SERTAD1: variants seen among roughly 807,000 people sequenced by gnomAD.
SERTAD1 encodes the protein SERTA domain containing 1.
SERTAD1 carries 5 observed loss-of-function variants against 11.7 expected under a neutral mutation model. The observed-to-expected ratio is 0.43, with a 90% CI of 0.22 to 0.90. The LOEUF is 0.90. Ranked by LOEUF, SERTAD1 falls within the 40% of genes least tolerant of loss-of-function variation. The pLI, the probability that SERTAD1 is intolerant of heterozygous loss-of-function variation, is 0.27. For synonymous variants in SERTAD1, 139 were observed against 141.4 expected (o/e 0.98, Z 0.12); for missense variants, 287 against 313.9 (o/e 0.91, Z 0.65).
intron 1 of SERTAD1, 128 bp from the exon 2 acceptor site, chr19:40,423,674 T>C: frequency 1.7e-6 from 1 of 595,254 alleles, no homozygotes; most frequent in South Asian, 2.2e-5. Context: ...TGTGCCTAGC[T>C]TTTCTTAGGG....
Position 40,422,612 on chromosome 19 carries a change from C to T in SERTAD1, c.*224G>A. On this transcript the variant is annotated 3_prime_UTR_variant, in exon 2 of 2. Transcript: ENST00000357949. Reference sequence around the variant, plus strand: ...CCCCAGGGCCAGGGAATTCAGTCCCCACCAGACCCTGTCATTCCATCACTA... The same window carrying T: ...CCCCAGGGCCAGGGAATTCAGTCCCTACCAGACCCTGTCATTCCATCACTA... 1.8e-6 allele frequency: 1 copy of T among 558,826 alleles called. No homozygotes were observed. The highest frequency in any genetic ancestry group is 3.1e-6 in the Non-Finnish European group (1 of 319,818). The allele number at this position is 558,826 out of a possible 1,614,324, so 34.6% of individuals were successfully genotyped here.
rs773784248 is a variant in SERTAD1 at position 40,423,438 on chromosome 19, G to T, written c.109C>A (p.Pro37Thr). The T allele has an allele frequency of 1.2e-6, 2 of 1,613,252 alleles. No homozygotes were observed. The highest frequency in any genetic ancestry group is 1.7e-6 in the Non-Finnish European group (2 of 1,180,044). The change falls in exon 2 of 2, where the codon CCC (proline) becomes ACC (threonine). Residue 37 changes from proline to threonine, a missense_variant. Pro to Thr is a conservative substitution (Grantham distance 38). Transcript: ENST00000357949. ...AGGGAGCTAGAGGCCACGGCCGGGGGTGCCTGTGCCACCGCTGTGTGGCCA... is the reference window on the plus strand; with the variant it reads ...AGGGAGCTAGAGGCCACGGCCGGGGTTGCCTGTGCCACCGCTGTGTGGCCA... ...DPGHTAVAQA[P>T]PAVASSSLFD...
chr19:40,423,244 G>C lies in SERTAD1; in HGVS notation c.303C>G (p.Asp101Glu). The stretch of plus-strand genomic sequence containing the variant: ...CAGCGTCCGAGCTTGCCAGTAAGTT[G>C]TCAGCCACACTGGGGGCTGCAGGTG... ...PSPPAAPSVA[D>E]NLLASSDAAL... The change falls in exon 2 of 2, where the codon GAC (aspartate) becomes GAG (glutamate). Residue 101 changes from aspartate (D) to glutamate (E), a missense_variant. Coordinates refer to ENST00000357949, the MANE Select transcript of SERTAD1 (RefSeq NM_013376.4). The C allele has an allele frequency of 6.2e-7, 1 of 1,607,020 alleles. No homozygotes were observed. The highest frequency in any genetic ancestry group is 2.2e-5 in the East Asian group (1 of 44,652).
In SERTAD1 at chr19:40,422,848, C is replaced by G. The variant is rs763072155; in HGVS notation, c.699G>C (p.Gly233=). Residue 233 remains glycine (G), a synonymous_variant, in exon 2 of 2, where the codon GGG becomes GGC. Coordinates refer to ENST00000357949, the MANE Select transcript of SERTAD1 (RefSeq NM_013376.4). ...VGTQALERPP[G]PGR ...CCAGCACGAGGGCTCAGCGCCCTGG[C>G]CCCGGCGGTCGCTCCAGTGCCTGTG... is the stretch of plus-strand genomic sequence containing the variant. 1.3e-6 allele frequency: 2 copies of G among 1,599,536 alleles called. No homozygotes were observed. Among genetic ancestry groups the G allele is most frequent in the Admixed American group, 1.7e-5 (1 of 59,178 alleles).
chr19:40,423,155 G>A lies in SERTAD1; in HGVS notation c.392C>T (p.Ala131Val), dbSNP rs772101025. 3.1e-6 allele frequency: 5 copies of A among 1,603,148 alleles called. No individual in the cohort carries two copies. Among genetic ancestry groups the A allele is most frequent in the Non-Finnish European group, 4.3e-6 (5 of 1,174,746 alleles). ...CCCCTCGTCTGCCAAGGGTTGGGGA[G>A]CCTGACTCAGGCCCTCAATGTGGCT... ...DLSHIEGLSQ[A>V]PQPLADEGPP... Residue 131 changes from alanine (A) to valine (V), a missense_variant, in exon 2 of 2, where the codon GCT becomes GTT. Physicochemically the swap from Ala to Val is moderately conservative, Grantham distance 64. Coordinates refer to ENST00000357949, the MANE Select transcript of SERTAD1 (RefSeq NM_013376.4).
At position 40,422,799 on chromosome 19, in the gene SERTAD1, C is replaced by T. The variant is rs1346513632; in HGVS notation, c.*37G>A. 2 of 1,542,026 alleles carry T rather than the reference C, an allele frequency of 1.3e-6. No homozygotes were observed. Among genetic ancestry groups the T allele is most frequent in the African/African-American group, 1.4e-5 (1 of 73,330 alleles). The stretch of plus-strand genomic sequence containing the variant: ...GGACAGTTGGTCCAGCCAGCAGGCT[C>T]AGTTCAGATACCAGACAACCATTCC... On this transcript the variant is annotated 3_prime_UTR_variant, in exon 2 of 2. Transcript: ENST00000357949.
rs868337798 is a variant in SERTAD1, at chr19:40,422,987, C to T, written c.560G>A (p.Trp187Ter). 1.3e-6 allele frequency: 2 copies of T among 1,592,054 alleles called. No individual in the cohort carries two copies. Among genetic ancestry groups the T allele is most frequent in the Non-Finnish European group, 1.7e-6 (2 of 1,168,584 alleles). Reference sequence around the variant, plus strand: ...TTTGAGGCCCTCAGAGGCTGGTGCCCAAAGTTCATTGTCATACATAGAGGT... The same window carrying T: ...TTTGAGGCCCTCAGAGGCTGGTGCCTAAAGTTCATTGTCATACATAGAGGT... ...IDTSMYDNEL[W>*]APASEGLKPG... The change falls in exon 2 of 2, where the codon TGG becomes TAG. Residue 187 changes from tryptophan (W) to a stop codon, truncating the protein, a stop_gained. Transcript: ENST00000357949. LOFTEE classifies it high-confidence loss of function.
Position 40,422,172 on chromosome 19 carries a change from C to T in SERTAD1, c.*664G>A, listed in dbSNP as rs1351555536. ...AAAAAGTGGCCTGGTAGGAGGATCG[C>T]TTGAGCCCAGGAGTTTGAGGCTGTA... On this transcript the variant is annotated 3_prime_UTR_variant, in exon 2 of 2. Coordinates refer to ENST00000357949, the MANE Select transcript of SERTAD1 (RefSeq NM_013376.4). 1 of 149,940 alleles carries T rather than the reference C, an allele frequency of 6.7e-6. No homozygotes were observed. The highest frequency in any genetic ancestry group is 2.5e-5 in the African/African-American group (1 of 40,722). The allele number at this position is 149,940 out of a possible 1,614,324, so 9.3% of individuals were successfully genotyped here.
In SERTAD1 at chr19:40,422,935, C is replaced by T; in HGVS notation, c.612G>A (p.Lys204=). 1 of 1,610,530 alleles carries T rather than the reference C, an allele frequency of 6.2e-7. No individual in the cohort carries two copies. The highest frequency in any genetic ancestry group is 8.5e-7 in the Non-Finnish European group (1 of 1,178,390). ...CCTCGTCCAGCTCCGGAGCTTCCTC[C>T]TTGCCCGGCCCATCCTCAGGGCCTG... The part of the protein sequence containing the change: ...LKPGPEDGPG[K]EEAPELDEAE... Residue 204 remains lysine (K), a synonymous_variant, in exon 2 of 2, where the codon AAG becomes AAA. Transcript: ENST00000357949.
chr19:40,422,961 G>T lies in SERTAD1; in HGVS notation c.586C>A (p.Pro196Thr). ...TTGCCCGGCCCATCCTCAGGGCCTG[G>T]TTTGAGGCCCTCAGAGGCTGGTGCC... is the stretch of plus-strand genomic sequence containing the variant. ...LWAPASEGLK[P>T]GPEDGPGKEE... Residue 196 changes from proline (P) to threonine (T), a missense_variant, in exon 2 of 2, where the codon CCA becomes ACA. Pro to Thr is a conservative substitution (Grantham distance 38). Coordinates refer to ENST00000357949, the MANE Select transcript of SERTAD1 (RefSeq NM_013376.4). The T allele has an allele frequency of 6.2e-7, 1 of 1,605,332 alleles. No individual in the cohort carries two copies.
Position 40,422,808 on chromosome 19 carries a change from T to C in SERTAD1, c.*28A>G. The C allele has an allele frequency of 6.4e-7, 1 of 1,559,420 alleles. No homozygotes were observed. ...GTCCAGCCAGCAGGCTCAGTTCAGA[T>C]ACCAGACAACCATTCCAGCACGAGG... On this transcript the variant is annotated 3_prime_UTR_variant, in exon 2 of 2. Coordinates refer to ENST00000357949, the MANE Select transcript of SERTAD1 (RefSeq NM_013376.4).
At chr19:40,423,657 A>T in intron 1 of SERTAD1, 111 bp from the exon 2 acceptor site, 1 of 653,634 alleles carries the variant, frequency 1.5e-6, no homozygotes, top group South Asian at 2.0e-5. Flanking sequence ...AAGTCACTTA[A>T]CCTCTCTGTG....
intron 1 of SERTAD1, among the ~76,000 whole-genome samples, chr19:40,423,947 G>A (rs1408812611): frequency 1.3e-5 from 2 of 151,838 alleles, no homozygotes; most frequent in South Asian, 4.2e-4. Flanking sequence ...GGCTGGTCTC[G>A]ACCTCCTGGA....
At position 40,424,185 on chromosome 19, in the gene SERTAD1, T is replaced by C. The variant is rs568344857; in HGVS notation, c.1-639A>G. ...CTCAGTCAATAAGTACTTTTTTTTT[T>C]CCCTTTTATTTTTTTGTAGAGACAT... On this transcript the variant is annotated intron_variant, in intron 1 of 1. Coordinates refer to ENST00000357949, the MANE Select transcript of SERTAD1 (RefSeq NM_013376.4). Among the ~76,000 whole-genome samples, 129 of 144,308 alleles carry C rather than the reference T, an allele frequency of 8.9e-4. No individual in the cohort carries two copies. The Middle Eastern group carries it at 0.014, about 15-fold the overall frequency. The allele number at this position is 144,308 out of a possible 152,430, so 94.7% of individuals were successfully genotyped here.
At position 40,422,135 on chromosome 19, in the gene SERTAD1, A is replaced by AAG. The variant is rs1401456821; in HGVS notation, c.*700_*701insCT. On this transcript the variant is annotated 3_prime_UTR_variant, in exon 2 of 2. Transcript: ENST00000357949. The stretch of plus-strand genomic sequence containing the variant: ...AGTAAGAATCTGTCTTAAAAAAAAA[A>AAG]GAAAGAAAAAAAAAAAGTGGCCTGG... 2.7e-5 allele frequency: 4 copies of AAG among 150,850 alleles called. No homozygotes were observed. Among genetic ancestry groups the AAG allele is most frequent in the Non-Finnish European group, 5.9e-5 (4 of 67,870 alleles). 9.3% of individuals were successfully genotyped at this position (150,850 alleles called of 1,614,324 possible).
Position 40,423,237 on chromosome 19 carries a change from G to A in SERTAD1, c.310C>T (p.Leu104=). The change falls in exon 2 of 2, where the codon CTG becomes TTG. Residue 104 remains leucine, a synonymous_variant. Coordinates refer to ENST00000357949, the MANE Select transcript of SERTAD1 (RefSeq NM_013376.4). The part of the protein sequence containing the change: ...PAAPSVADNL[L]ASSDAALSAS... ...GAAAGGGCAGCGTCCGAGCTTGCCA[G>A]TAAGTTGTCAGCCACACTGGGGGCT... 3 of 1,606,326 alleles carry A rather than the reference G, an allele frequency of 1.9e-6. No individual in the cohort carries two copies. Among genetic ancestry groups the A allele is most frequent in the Non-Finnish European group, 2.6e-6 (3 of 1,175,406 alleles).
rs1224695903 is a variant in SERTAD1, at chr19:40,425,899, G to A, written c.-33C>T. ...ACTAGCGGCCAATCAGAACGAAGAG[G>A]TAGCCACCCACAACCAATCAGGAAA... On this transcript the variant is annotated 5_prime_UTR_variant, in exon 1 of 2. Coordinates refer to ENST00000357949, the MANE Select transcript of SERTAD1 (RefSeq NM_013376.4). 6.6e-6 allele frequency: 1 copy of A among 152,304 alleles called. No homozygotes were observed. The highest frequency in any genetic ancestry group is 2.4e-5 in the African/African-American group (1 of 41,456). 9.4% of individuals were successfully genotyped at this position (152,304 alleles called of 1,614,324 possible). A position where few individuals can be genotyped will look rare whatever the true frequency, so the allele number is the denominator to read the frequency against.
rs768215562 is a variant in SERTAD1, at chr19:40,423,533, C to G, written c.14G>C (p.Gly5Ala). 8 of 1,595,648 alleles carry G rather than the reference C, an allele frequency of 5.0e-6. No individual in the cohort carries two copies. Among genetic ancestry groups the G allele is most frequent in the Non-Finnish European group, 6.8e-6 (8 of 1,169,598 alleles). Reference protein sequence around the residue: MLSKGLKRKREEEEE... With the variant: MLSKALKRKREEEEE... ...CTCCTCCTCCCGTTTCCGCTTCAGACCCTTGCTCAGCATCTGCAGAGGGCA... is the reference window on the plus strand; with the variant it reads ...CTCCTCCTCCCGTTTCCGCTTCAGAGCCTTGCTCAGCATCTGCAGAGGGCA... Residue 5 changes from glycine (G) to alanine (A), a missense_variant, in exon 2 of 2, where the codon GGT (glycine) becomes GCT (alanine). Gly to Ala is a moderately conservative substitution (Grantham distance 60). Coordinates refer to ENST00000357949, the MANE Select transcript of SERTAD1 (RefSeq NM_013376.4).
In SERTAD1 at chr19:40,423,518, C is replaced by T. The variant is rs372266997; in HGVS notation, c.29G>A (p.Arg10Gln). 121 of 1,607,766 alleles carry T rather than the reference C, an allele frequency of 7.5e-5. No homozygotes were observed. The highest frequency in any genetic ancestry group is 3.8e-4 in the South Asian group (34 of 90,556). The change falls in exon 2 of 2, where the codon CGG (arginine) becomes CAG (glutamine). Residue 10 changes from arginine (R) to glutamine (Q), a missense_variant. Transcript: ENST00000357949. MLSKGLKRK[R>Q]EEEEEKEPLA... ...AGGTTCCTTCTCCTCCTCCTCCTCC[C>T]GTTTCCGCTTCAGACCCTTGCTCAG...
Sources: allele counts gnomAD v4.1 joint callset (sites outside exome capture counted in the v4.1 genomes callset), GRCh38; gene constraint gnomAD v4.1.1; transcripts MANE v1.5; gene names NCBI Gene and HGNC (gene_info 2026-07-23, HGNC 2026-07-21).